Variants in EIF4E3 observed in about 807,000 individuals in gnomAD.
EIF4E3 encodes the protein eukaryotic translation initiation factor 4E type 3.
A neutral mutation model predicts 31.7 loss-of-function variants in EIF4E3; 26 were observed. That is an observed-to-expected ratio of 0.82 (90% CI 0.60 to 1.14). The LOEUF (loss-of-function observed/expected upper bound fraction) is 1.14. EIF4E3 is among the 50% of genes most tolerant of loss of function. The pLI, the probability that EIF4E3 is intolerant of heterozygous loss-of-function variation, is 0.00. For missense variants in EIF4E3, 304 were observed against 270.9 expected (o/e 1.12, Z -0.86); for synonymous variants, 128 against 107.7 (o/e 1.19, Z -1.17).
the EIF4E3 span, among the ~76,000 whole-genome samples, chr3:71,659,741 C>T: frequency 1.3e-5 from 2 of 152,176 alleles, no homozygotes; most frequent in Admixed American, 1.3e-4. Context: ...TTCCTATACC[C>T]ACAGTCTTCT....
At chr3:71,663,699 C>A in the EIF4E3 span, among the ~76,000 whole-genome samples, 29 of 152,206 alleles carry the variant, frequency 1.9e-4, no homozygotes, top group African/African-American at 6.5e-4. Flanking sequence ...AGGCCTTTAC[C>A]GGGAGACGTC....
At chr3:71,693,825 A>G in intron 5 of EIF4E3, 50 bp downstream of exon 5, 1 of 1,438,046 alleles carries the variant, frequency 7.0e-7, no homozygotes, top group East Asian at 2.6e-5. Flanking sequence ...AAACAAGCAC[A>G]AGCCAGGAGC....
chr3:71,725,471 C>T, upstream of EIF4E3: 1 of 708,314 alleles, frequency 1.4e-6, no homozygotes, highest in Non-Finnish European at 1.7e-6. This position sits in a 1 kb window ranked among gnomAD's most constrained non-coding sequence, Gnocchi z 6.1. Context: ...CGCCCCGCCC[C>T]GCCCCGGGCT....
chr3:71,738,782 T>C (rs984200191), intron 1 of EIF4E3, among the ~76,000 whole-genome samples: 1 of 151,560 alleles, frequency 6.6e-6, no homozygotes, highest in Non-Finnish European at 1.5e-5. Flanking sequence ...ATACAAGAAA[T>C]GAACAACAAA....
chr3:71,690,683 C>T (rs1284835455), intron 5 of EIF4E3, among the ~76,000 whole-genome samples: 1 of 152,190 alleles, frequency 6.6e-6, no homozygotes, highest in East Asian at 1.9e-4. Flanking sequence ...TGTGCATTCT[C>T]GACTGCTCAT....
At chr3:71,730,225 A>G (rs1226260309), upstream of EIF4E3, among the ~76,000 whole-genome samples, 14 of 152,090 alleles carry the variant, frequency 9.2e-5, no homozygotes, top group Admixed American at 8.5e-4. Context: ...TTCAAGAGTG[A>G]TTGCTTCAGA....
At chr3:71,686,079 G>A (rs1051326326) in intron 6 of EIF4E3, among the ~76,000 whole-genome samples, 35 of 152,020 alleles carry the variant, frequency 2.3e-4, no homozygotes, top group Non-Finnish European at 4.7e-4. Flanking sequence ...TTGACTTCCC[G>A]GGCTCAAGCA....
At chr3:71,745,386 T>A (rs2049861208) in intron 1 of EIF4E3, among the ~76,000 whole-genome samples, 1 of 152,162 alleles carries the variant, frequency 6.6e-6, no homozygotes, top group Admixed American at 6.5e-5. Flanking sequence ...AGTAGGTACA[T>A]CCTTAAAGAT....
intron 1 of EIF4E3, among the ~76,000 whole-genome samples, chr3:71,719,648 C>A (rs1429138182): frequency 1.3e-5 from 2 of 152,024 alleles, no homozygotes; most frequent in African/African-American, 2.4e-5. Context: ...AAGGAAAGGG[C>A]CAGTAGTCTG....
At chr3:71,734,180 C>A (rs1186143281) in intron 1 of EIF4E3, among the ~76,000 whole-genome samples, 2 of 152,028 alleles carry the variant, frequency 1.3e-5, no homozygotes, top group African/African-American at 4.8e-5. Context: ...TATCTTATTC[C>A]CAGAGGCTAA....
chr3:71,692,214 T>G (rs1350658405), intron 5 of EIF4E3, among the ~76,000 whole-genome samples: 1 of 152,184 alleles, frequency 6.6e-6, no homozygotes, highest in Non-Finnish European at 1.5e-5. Context: ...ACTGGCAGCA[T>G]AAGACATTAG....
At chr3:71,702,953 A>G (rs1196959326) in intron 2 of EIF4E3, among the ~76,000 whole-genome samples, 1 of 152,230 alleles carries the variant, frequency 6.6e-6, no homozygotes, top group Non-Finnish European at 1.5e-5. Context: ...ACATCTTGAA[A>G]ATGGAAACAC....
At chr3:71,689,089 C>T (rs1188922954) in intron 6 of EIF4E3, among the ~76,000 whole-genome samples, 1 of 152,230 alleles carries the variant, frequency 6.6e-6, no homozygotes, top group African/African-American at 2.4e-5. Flanking sequence ...ACAACTACCA[C>T]ACATATATTT....
At chr3:71,723,586 T>C (rs2049583619) in intron 1 of EIF4E3, among the ~76,000 whole-genome samples, 1 of 152,220 alleles carries the variant, frequency 6.6e-6, no homozygotes. Context: ...CTTAAAAGTG[T>C]TGTTCCTACA....
At chr3:71,675,061 A>C (rs1026126171), downstream of EIF4E3, among the ~76,000 whole-genome samples, 1 of 152,220 alleles carries the variant, frequency 6.6e-6, no homozygotes, top group African/African-American at 2.4e-5. Context: ...CTGTACTCTT[A>C]AGTGGCAAAA....
At chr3:71,716,381 C>T (rs540703462) in intron 1 of EIF4E3, among the ~76,000 whole-genome samples, 3 of 152,158 alleles carry the variant, frequency 2.0e-5, no homozygotes, top group South Asian at 2.1e-4. Flanking sequence ...TACAAGCACC[C>T]GCCACCACGC....
downstream of EIF4E3, among the ~76,000 whole-genome samples, chr3:71,673,658 T>C (rs2048857619): frequency 6.6e-6 from 1 of 151,962 alleles, no homozygotes; most frequent in African/African-American, 2.4e-5. Flanking sequence ...ATGTCTAAGA[T>C]ACACTTCCTG....
intron 5 of EIF4E3, 30 bp from the exon 6 acceptor site, chr3:71,690,195 G>A (rs773743053): frequency 5.2e-5 from 81 of 1,552,388 alleles, no homozygotes; most frequent in Admixed American, 9.1e-5. Context: ...AAAAAAAAAT[G>A]AGTGATACTT....
At chr3:71,718,372 C>A (rs2049496895) in intron 1 of EIF4E3, among the ~76,000 whole-genome samples, 1 of 152,194 alleles carries the variant, frequency 6.6e-6, no homozygotes, top group African/African-American at 2.4e-5. Flanking sequence ...ATATATACAT[C>A]ATTTAAAGGT....
Sources: gnomAD v4.1 joint callset for allele counts (sites outside exome capture counted in the v4.1 genomes callset) on GRCh38, gnomAD v4.1.1 for gene constraint, Gnocchi (gnomAD v3.1) non-coding constraint, MANE v1.5 for transcripts, NCBI Gene and HGNC (gene_info 2026-07-23, HGNC 2026-07-21) for gene names.